The following SLFN12L variants were observed in gnomAD, a reference collection of about 807,000 sequenced individuals.
SLFN12L encodes schlafen family member 12 like, also known as schlafen family member 12-like.
In SLFN12L, 34 loss-of-function variants were observed where a neutral mutation model predicts 34.8. The observed-to-expected ratio is 0.98, with a 90% CI of 0.74 to 1.30. The LOEUF (loss-of-function observed/expected upper bound fraction) is 1.30, where lower values mean the gene tolerates loss of function less well. Among genes scored for constraint, SLFN12L ranks in the 50% most tolerant of loss-of-function variants. The pLI is 0.00. For missense variants in SLFN12L, 703 were observed against 696.2 expected (o/e 1.01, Z -0.11); for synonymous variants, 259 against 247.5 (o/e 1.05, Z -0.44).
At position 35,479,507 on chromosome 17, in the gene SLFN12L, G is replaced by A. The variant is rs763529069; in HGVS notation, c.775C>T (p.Arg259Ter). Residue 259 changes from arginine (R) to a stop codon, truncating the protein, a stop_gained, in exon 3 of 5, where the codon CGA becomes TGA. Coordinates refer to ENST00000628453, the MANE Select transcript of SLFN12L (RefSeq NM_001363830.2). LOFTEE classifies it high-confidence loss of function. ...KNFSTEKLLQ[R>*]ITEILPQYVS... is the part of the protein sequence containing the mutation. ...TATTGAGGGAGAATCTCTGTAATTCGTTGTAACAACTTTTCAGTCGAGAAG... is the reference window on the plus strand; with the variant it reads ...TATTGAGGGAGAATCTCTGTAATTCATTGTAACAACTTTTCAGTCGAGAAG... 1.1e-5 allele frequency: 17 copies of A among 1,613,970 alleles called. No individual in the cohort carries two copies. The highest frequency in any genetic ancestry group is 8.8e-5 in the South Asian group (8 of 91,064).
In SLFN12L at chr17:35,498,944, G is replaced by A. The variant is rs761457739; in HGVS notation, c.87-18749C>T. ...ACGATGCTGCCCTGGAGGTCTTACAGGAGCGCATTAAGCAAGTCAAGGATG... is the reference window on the plus strand; with the variant it reads ...ACGATGCTGCCCTGGAGGTCTTACAAGAGCGCATTAAGCAAGTCAAGGATG... On this transcript the variant is annotated intron_variant, in intron 2 of 4. Transcript: ENST00000628453. 30 of 722,360 alleles carry A rather than the reference G, an allele frequency of 4.2e-5. No individual in the cohort carries two copies. The Middle Eastern group carries it at 7.5e-4, about 18-fold the overall frequency. The allele number at this position is 722,360 out of a possible 1,614,324, so 44.7% of individuals were successfully genotyped here. A position where few individuals can be genotyped will look rare whatever the true frequency, so the allele number is the denominator to read the frequency against.
chr17:35,536,746 C>T (rs1312102659), intron 1 of SLFN12L, among the ~76,000 whole-genome samples: 1 of 151,466 alleles, frequency 6.6e-6, no homozygotes, highest in Non-Finnish European at 1.5e-5. Flanking sequence ...GAGGTTGAGA[C>T]TGCAGTGAGC....
At position 35,480,197 on chromosome 17, in the gene SLFN12L, T is replaced by C; in HGVS notation, c.87-2A>G. 6.4e-7 allele frequency: 1 copy of C among 1,567,534 alleles called. No homozygotes were observed. On this transcript the variant is annotated splice_acceptor_variant, in intron 2 of 4. Coordinates refer to ENST00000628453, the MANE Select transcript of SLFN12L (RefSeq NM_001363830.2). LOFTEE classifies it high-confidence loss of function. ...CCATTTCCACGCAGAAATTCTTTTC[T>C]GTAAAATAGAGCCGTTAGAATAGGA...
chr17:35,475,090 G>A lies in SLFN12L; in HGVS notation c.1672C>T (p.Gln558Ter). ...TAGTAGGATTCAGGGTAAATTACTT[G>A]CGAGTTTAAATCATACTGGCAGCTT... ...KTSCQYDLNSQVIYPESYYWT... is the reference protein window; with the variant it reads ...KTSCQYDLNS The change falls in exon 5 of 5, where the codon CAA (glutamine) becomes TAA (stop). Residue 558 changes from glutamine to a stop codon, truncating the protein, a stop_gained. Coordinates refer to ENST00000628453, the MANE Select transcript of SLFN12L (RefSeq NM_001363830.2). LOFTEE classifies it low-confidence loss of function (END_TRUNC). 2 of 1,614,118 alleles carry A rather than the reference G, an allele frequency of 1.2e-6. No homozygotes were observed. The highest frequency in any genetic ancestry group is 2.2e-5 in the East Asian group (1 of 44,884).
In SLFN12L at chr17:35,479,393, T is replaced by A. The variant is rs765902301; in HGVS notation, c.889A>T (p.Ser297Cys). ...KEVIGFKAEKSYLTKLEEVTK... is the reference protein window; with the variant it reads ...KEVIGFKAEKCYLTKLEEVTK... ...ACTTCTTCTAACTTAGTAAGATAAC[T>A]CTTCTCTGCTTTAAAGCCAATTACT... is the stretch of plus-strand genomic sequence containing the variant. The change falls in exon 3 of 5, where the codon AGT becomes TGT. Residue 297 changes from serine (S) to cysteine (C), a missense_variant. Ser to Cys is a moderately radical substitution (Grantham distance 112). Transcript: ENST00000628453. 1.2e-6 allele frequency: 2 copies of A among 1,609,642 alleles called. No homozygotes were observed. The highest frequency in any genetic ancestry group is 2.2e-5 in the South Asian group (2 of 90,596).
intron 2 of SLFN12L, among the ~76,000 whole-genome samples, chr17:35,521,376 G>A (rs879532276): frequency 1.3e-5 from 2 of 152,128 alleles, no homozygotes; most frequent in Non-Finnish European, 2.9e-5. Flanking sequence ...CTGAGTGAAG[G>A]GTACACAGGA....
At chr17:35,488,633 A>G (rs1487438749) in intron 2 of SLFN12L, among the ~76,000 whole-genome samples, 1 of 152,156 alleles carries the variant, frequency 6.6e-6, no homozygotes, top group African/African-American at 2.4e-5. Context: ...TCACTAACTG[A>G]GGAGTTCACC....
In SLFN12L at chr17:35,474,986, C is replaced by T; in HGVS notation, c.1776G>A (p.Leu592=). The T allele has an allele frequency of 1.3e-6, 2 of 1,560,890 alleles. No individual in the cohort carries two copies. Among genetic ancestry groups the T allele is most frequent in the East Asian group, 4.8e-5 (2 of 41,690 alleles). ...NILPKENQIF[L]FVCLFRFCLF... Reference sequence around the variant, plus strand: ...AACAAAAACGAAACAAACAAACAAACAAAAAGATTTGATTCTCCTTAGGTA... The same window carrying T: ...AACAAAAACGAAACAAACAAACAAATAAAAAGATTTGATTCTCCTTAGGTA... The change falls in exon 5 of 5, where the codon TTG becomes TTA. Residue 592 remains leucine (L), a synonymous_variant. Coordinates refer to ENST00000628453, the MANE Select transcript of SLFN12L (RefSeq NM_001363830.2).
intron 1 of SLFN12L, among the ~76,000 whole-genome samples, chr17:35,535,515 C>A (rs2072451974): frequency 6.8e-6 from 1 of 146,512 alleles, no homozygotes; most frequent in Admixed American, 6.8e-5. Context: ...GCAACAGGGT[C>A]TTGCTCTGTC....
chr17:35,481,822 T>C (rs1394330779), intron 2 of SLFN12L, among the ~76,000 whole-genome samples: 1 of 152,138 alleles, frequency 6.6e-6, no homozygotes. Flanking sequence ...ACAGATAATA[T>C]TGGTTTTTTT....
chr17:35,517,923 A>G (rs767132982), intron 2 of SLFN12L, among the ~76,000 whole-genome samples: 1 of 152,182 alleles, frequency 6.6e-6, no homozygotes, highest in Non-Finnish European at 1.5e-5. Context: ...CTTAAATGTA[A>G]AACTCAAAAC....
intron 2 of SLFN12L, among the ~76,000 whole-genome samples, chr17:35,481,929 C>G (rs566142972): frequency 6.6e-6 from 1 of 152,282 alleles, no homozygotes; most frequent in Non-Finnish European, 1.5e-5. Flanking sequence ...GGCACAATCT[C>G]AGGTCACTGC....
At chr17:35,475,586 C>G in intron 4 of SLFN12L, 101 bp from the exon 5 acceptor site, 2 of 1,441,872 alleles carry the variant, frequency 1.4e-6, no homozygotes, top group African/African-American at 2.9e-5. Flanking sequence ...CCACCAAAAG[C>G]AACTATAAAA....
At chr17:35,515,188 C>T in intron 2 of SLFN12L, 1 of 604,654 alleles carries the variant, frequency 1.7e-6, no homozygotes, top group Non-Finnish European at 3.2e-6. Flanking sequence ...CCGACCCAGC[C>T]TCTTCCCCAG....
intron 2 of SLFN12L, among the ~76,000 whole-genome samples, chr17:35,497,560 A>G (rs1410941295): frequency 1.3e-5 from 2 of 152,130 alleles, no homozygotes; most frequent in African/African-American, 4.8e-5. Context: ...TTATAACCCA[A>G]TTTAGTGGAA....
chr17:35,475,814 C>G (rs1913975463), intron 4 of SLFN12L, among the ~76,000 whole-genome samples: 1 of 151,984 alleles, frequency 6.6e-6, no homozygotes, highest in Non-Finnish European at 1.5e-5. Context: ...GTGGGAGGAT[C>G]ACTTGAGCCC....
At position 35,479,968 on chromosome 17, in the gene SLFN12L, A is replaced by G. The variant is rs747519530; in HGVS notation, c.314T>C (p.Val105Ala). Residue 105 changes from valine to alanine, a missense_variant, in exon 3 of 5, where the codon GTT (valine) becomes GCT (alanine). Transcript: ENST00000628453. ...TTTATAACTATAGCCTTTATTCTCA[A>G]CTTCAGCCTTGATCACTCCCCCTCC... The part of the protein sequence containing the change: ...NSGGGVIKAE[V>A]ENKGYSYKKD... 87 of 1,614,102 alleles carry G rather than the reference A, an allele frequency of 5.4e-5. No individual in the cohort carries two copies. The East Asian group carries it at 1.9e-3, about 36-fold the overall frequency.
intron 2 of SLFN12L, among the ~76,000 whole-genome samples, chr17:35,518,594 A>T (rs185260339): frequency 5.9e-5 from 9 of 152,306 alleles, no homozygotes; most frequent in African/African-American, 1.4e-4. Context: ...CAAACATGAA[A>T]AAAAGCTTAC....
intron 2 of SLFN12L, among the ~76,000 whole-genome samples, chr17:35,517,528 T>C (rs972229390): frequency 1.3e-5 from 2 of 152,146 alleles, no homozygotes; most frequent in Admixed American, 1.3e-4. Flanking sequence ...TGACTTTCTT[T>C]GCAGAATTAG....
Sources: gnomAD v4.1 joint callset for allele counts (sites outside exome capture counted in the v4.1 genomes callset) on GRCh38, gnomAD v4.1.1 for gene constraint, MANE v1.5 for transcripts, NCBI Gene and HGNC (gene_info 2026-07-23, HGNC 2026-07-21) for gene names.